IDE: variants seen among roughly 807,000 people sequenced by gnomAD.
The protein encoded by IDE is insulin-degrading enzyme.
In IDE, 58 loss-of-function variants were observed where a neutral mutation model predicts 133.2. That is an observed-to-expected ratio of 0.44 (90% CI 0.35 to 0.54). The LOEUF is 0.54. Ranked by LOEUF, IDE falls within the 20% of genes least tolerant of loss-of-function variation. IDE has a pLI of 0.00. For synonymous variants in IDE, 396 were observed against 421.3 expected, an observed-to-expected ratio of 0.94 and a Z score of 0.73; for missense variants, 981 against 1,234.0, an observed-to-expected ratio of 0.79 and a Z score of 3.07.
intron 1 of IDE, among the ~76,000 whole-genome samples, chr10:92,569,301 G>C (rs1843685208): frequency 6.6e-6 from 1 of 152,240 alleles, no homozygotes; most frequent in Non-Finnish European, 1.5e-5. Flanking sequence ...GTTTGAACTT[G>C]ATCTTGAAAT....
intron 13 of IDE, among the ~76,000 whole-genome samples, chr10:92,484,878 G>T (rs945620648): frequency 1.4e-4 from 22 of 152,042 alleles, no homozygotes; most frequent in African/African-American, 5.1e-4. Flanking sequence ...AACATAGTGA[G>T]ATCCCACCTC....
At chr10:92,515,690 T>C (rs1848881718) in intron 4 of IDE, among the ~76,000 whole-genome samples, 1 of 150,250 alleles carries the variant, frequency 6.7e-6, no homozygotes, top group Non-Finnish European at 1.5e-5. Context: ...GCCTCTCTAG[T>C]AGCTGGATTA....
chr10:92,540,996 G>A (rs930546739), intron 1 of IDE, among the ~76,000 whole-genome samples: 1 of 152,090 alleles, frequency 6.6e-6, no homozygotes, highest in East Asian at 1.9e-4. Context: ...TTATTTGGAC[G>A]CTGAAGTTGT....
At chr10:92,472,249 T>G (rs1846004675) in intron 17 of IDE, among the ~76,000 whole-genome samples, 1 of 152,226 alleles carries the variant, frequency 6.6e-6, no homozygotes, top group Non-Finnish European at 1.5e-5. Flanking sequence ...CTTATTCTGC[T>G]TAAAATTAAC....
rs1842076367 is a variant in IDE, at chr10:92,537,537, T to A, written c.112A>T (p.Thr38Ser). The A allele has an allele frequency of 8.8e-6, 14 of 1,591,356 alleles. No individual in the cohort carries two copies. Among genetic ancestry groups the A allele is most frequent in the Non-Finnish European group, 1.2e-5 (14 of 1,173,004 alleles). Reference protein sequence around the residue: ...PERLCGFQKKTYSKMNNPAIK... With the variant: ...PERLCGFQKKSYSKMNNPAIK... The stretch of plus-strand genomic sequence containing the variant: ...GCTGGATTATTCATTTTGCTGTAAG[T>A]CTTTTTTTGGAAACTGAAAAGAAAG... The change falls in exon 2 of 25, where the codon ACT (threonine) becomes TCT (serine). Residue 38 changes from threonine to serine, a missense_variant. Thr to Ser is a moderately conservative substitution (Grantham distance 58). Transcript: ENST00000265986.
intron 1 of IDE, among the ~76,000 whole-genome samples, chr10:92,550,868 C>CA (rs547949950): frequency 5.3e-4 from 80 of 151,934 alleles, no homozygotes; most frequent in South Asian, 3.1e-3. Context: ...GACTCGGTCT[C>CA]AAAAAATAAT....
At chr10:92,477,826 C>T (rs529670934) in intron 15 of IDE, among the ~76,000 whole-genome samples, 1 of 152,272 alleles carries the variant, frequency 6.6e-6, no homozygotes, top group Admixed American at 6.5e-5. Flanking sequence ...GATCTCTGAG[C>T]TTCAAACTTC....
chr10:92,563,927 TG>T (rs1360559651), intron 1 of IDE, among the ~76,000 whole-genome samples: 1 of 152,202 alleles, frequency 6.6e-6, no homozygotes, highest in Non-Finnish European at 1.5e-5. Context: ...CTAGATAACC[TG>T]TAAAATAACT....
intron 17 of IDE, among the ~76,000 whole-genome samples, chr10:92,472,009 C>T (rs1334006582): frequency 6.6e-6 from 1 of 152,176 alleles, no homozygotes; most frequent in Non-Finnish European, 1.5e-5. Flanking sequence ...GTTCTTGCTA[C>T]CCTGGCACCT....
intron 11 of IDE, chr10:92,497,616 C>T (rs1382701500): frequency 2.0e-5 from 8 of 406,818 alleles, no homozygotes; most frequent in Non-Finnish European, 2.3e-5. Flanking sequence ...GTTTATTTCC[C>T]TACCTGGTTG....
intron 1 of IDE, among the ~76,000 whole-genome samples, chr10:92,553,089 T>G (rs1291964640): frequency 6.6e-6 from 1 of 151,676 alleles, no homozygotes; most frequent in Non-Finnish European, 1.5e-5. Flanking sequence ...AGCCGTAAGT[T>G]AAGATAAATG....
intron 4 of IDE, among the ~76,000 whole-genome samples, chr10:92,523,139 T>G (rs971608632): frequency 6.6e-6 from 1 of 152,054 alleles, no homozygotes; most frequent in South Asian, 2.1e-4. Context: ...CTAGAGTAAA[T>G]AGCAGCGGAG....
At chr10:92,573,577 G>A (rs1208472729) in intron 1 of IDE, among the ~76,000 whole-genome samples, 1 of 152,196 alleles carries the variant, frequency 6.6e-6, no homozygotes, top group Non-Finnish European at 1.5e-5. Context: ...GACTCCGGGA[G>A]AGTGACGCGG....
chr10:92,563,428 G>A (rs1307070464), intron 1 of IDE, among the ~76,000 whole-genome samples: 1 of 151,580 alleles, frequency 6.6e-6, no homozygotes, highest in Non-Finnish European at 1.5e-5. Flanking sequence ...CTCCAGCCTG[G>A]GCTACAGAGT....
chr10:92,499,788 A>G (rs1193840430), intron 11 of IDE, among the ~76,000 whole-genome samples: 3 of 152,152 alleles, frequency 2.0e-5, no homozygotes, highest in African/African-American at 4.8e-5. Context: ...ATCTTTGCCT[A>G]TCGCAAGGTT....
At chr10:92,492,185 G>A (rs1203130839) in intron 11 of IDE, among the ~76,000 whole-genome samples, 7 of 151,742 alleles carry the variant, frequency 4.6e-5, no homozygotes, top group Admixed American at 1.3e-4. Context: ...GCGTGAACCC[G>A]GAAGGCGGAG....
Position 92,476,321 on chromosome 10 carries a change from G to A in IDE, c.1885-327C>T, listed in dbSNP as rs190211088. 2.6e-4 allele frequency among the ~76,000 whole-genome samples: 40 copies of A among 151,970 alleles called. 1 individual carries two copies. The highest frequency in any genetic ancestry group is 1.9e-3 in the Admixed American group (29 of 15,232). Reference sequence around the variant, plus strand: ...CCAGAGTAGCTGGGATTACAGACGTGCCCCACTACGCCTGGTTAATATTTT... The same window carrying A: ...CCAGAGTAGCTGGGATTACAGACGTACCCCACTACGCCTGGTTAATATTTT... On this transcript the variant is annotated intron_variant, in intron 15 of 24. Transcript: ENST00000265986.
chr10:92,514,792 T>C (rs1267076951), intron 5 of IDE, 128 bp downstream of exon 5: 2 of 683,548 alleles, frequency 2.9e-6, no homozygotes, highest in Non-Finnish European at 2.4e-6. Context: ...CTCTAACAAG[T>C]AGATCATTTT....
At chr10:92,462,185 G>C (rs1190011700) in intron 21 of IDE, among the ~76,000 whole-genome samples, 1 of 151,860 alleles carries the variant, frequency 6.6e-6, no homozygotes, top group Non-Finnish European at 1.5e-5. Flanking sequence ...GCATAGTGGA[G>C]TATGCCTGTA....
Sources: gnomAD v4.1 joint callset for allele counts (sites outside exome capture counted in the v4.1 genomes callset) on GRCh38, gnomAD v4.1.1 for gene constraint, MANE v1.5 for transcripts, NCBI Gene and HGNC (gene_info 2026-07-23, HGNC 2026-07-21) for gene names.